Variants in LRRC37A2 observed in about 807,000 individuals in gnomAD.
LRRC37A2 encodes leucine-rich repeat-containing protein 37A2.
A neutral mutation model predicts 68.8 loss-of-function variants in LRRC37A2; 9 were observed. The ratio of observed to expected loss-of-function variants is 0.13; its 90% CI spans 0.08 to 0.23. The LOEUF (loss-of-function observed/expected upper bound fraction) is 0.23. Among genes scored for constraint, LRRC37A2 ranks in the 10% least tolerant of loss-of-function variants. The probability of loss-of-function intolerance (pLI) is 1.00; values close to 1 mark genes in which losing one functional copy is unlikely to be tolerated. For synonymous variants in LRRC37A2, 63 were observed against 367.6 expected, an observed-to-expected ratio of 0.17 and a Z score of 9.48; for missense variants, 168 against 950.4, an observed-to-expected ratio of 0.18 and a Z score of 10.82.
At chr17:46,931,797 CT>C in the LRRC37A2 span, 1 of 528,698 alleles carries the variant, frequency 1.9e-6, no homozygotes, top group Non-Finnish European at 3.4e-6. Context: ...TTCCTGTCCC[CT>C]GTTCTCTGTC....
chr17:46,879,101 T>C, the LRRC37A2 span, among the ~76,000 whole-genome samples: 1 of 152,214 alleles, frequency 6.6e-6, no homozygotes, highest in Non-Finnish European at 1.5e-5. Flanking sequence ...ATATAGTTTT[T>C]AGAGCAAAGG....
chr17:46,966,274 C>G, the LRRC37A2 span, among the ~76,000 whole-genome samples: 1 of 152,190 alleles, frequency 6.6e-6, no homozygotes, highest in Admixed American at 6.5e-5. Flanking sequence ...AATGTACTAG[C>G]TATGTACCTT....
the LRRC37A2 span, among the ~76,000 whole-genome samples, chr17:46,990,784 C>G: frequency 6.6e-6 from 1 of 152,094 alleles, no homozygotes; most frequent in African/African-American, 2.4e-5. Flanking sequence ...AATTCTCATG[C>G]CTCAGCCTCC....
chr17:46,737,813 G>A, the LRRC37A2 span, among the ~76,000 whole-genome samples: 1 of 151,944 alleles, frequency 6.6e-6, no homozygotes, highest in African/African-American at 2.4e-5. Flanking sequence ...TGAGTAAAAG[G>A]GAGATTTAGT....
the LRRC37A2 span, among the ~76,000 whole-genome samples, chr17:46,791,684 T>C: frequency 2.6e-5 from 4 of 152,246 alleles, no homozygotes; most frequent in African/African-American, 9.6e-5. Context: ...GCATTCTACT[T>C]ACATTCATCA....
the LRRC37A2 span, among the ~76,000 whole-genome samples, chr17:46,785,706 G>T: frequency 3.2e-4 from 48 of 152,332 alleles, no homozygotes; most frequent in African/African-American, 1.2e-3. Context: ...GGGCAGCCGT[G>T]GGGAGAAGGA....
At chr17:46,779,242 C>T in the LRRC37A2 span, among the ~76,000 whole-genome samples, 1 of 152,220 alleles carries the variant, frequency 6.6e-6, no homozygotes, top group Non-Finnish European at 1.5e-5. Flanking sequence ...GGAGCTTCCG[C>T]CTACACACAG....
At chr17:46,866,913 C>T in the LRRC37A2 span, among the ~76,000 whole-genome samples, 2 of 152,192 alleles carry the variant, frequency 1.3e-5, no homozygotes, top group Non-Finnish European at 2.9e-5. Flanking sequence ...AAAAGCTCTC[C>T]ACCAACCTGG....
chr17:46,902,291 T>C, the LRRC37A2 span, among the ~76,000 whole-genome samples: 5 of 152,278 alleles, frequency 3.3e-5, no homozygotes, highest in South Asian at 1.0e-3. Context: ...TCTTCAGCTG[T>C]AAATTGATTG....
chr17:46,811,725 C>T, the LRRC37A2 span, among the ~76,000 whole-genome samples: 2 of 152,126 alleles, frequency 1.3e-5, no homozygotes, highest in African/African-American at 4.8e-5. Flanking sequence ...GAGGCCGAGG[C>T]GGGTGGATTA....
chr17:46,887,037 G>A, the LRRC37A2 span, among the ~76,000 whole-genome samples: 1 of 152,046 alleles, frequency 6.6e-6, no homozygotes, highest in Non-Finnish European at 1.5e-5. Context: ...AGCTGGTCTC[G>A]AACTCCTGGG....
chr17:46,808,276 G>A, the LRRC37A2 span, among the ~76,000 whole-genome samples: 1 of 152,190 alleles, frequency 6.6e-6, no homozygotes, highest in African/African-American at 2.4e-5. Flanking sequence ...ACAGCCTGAT[G>A]GCTTGTGGAA....
the LRRC37A2 span, among the ~76,000 whole-genome samples, chr17:46,919,000 G>T: frequency 1.3e-5 from 2 of 152,002 alleles, no homozygotes; most frequent in Admixed American, 6.6e-5. Context: ...TTCCCTCCTT[G>T]TCATCCCACA....
chr17:46,742,756 G>A, the LRRC37A2 span, among the ~76,000 whole-genome samples: 45,671 of 152,070 alleles, frequency 0.3, 7,625 homozygotes, highest in East Asian at 0.6. Context: ...CTGCAAGGGC[G>A]CAGATGGATG....
At chr17:46,843,315 T>A in the LRRC37A2 span, among the ~76,000 whole-genome samples, 1 of 152,228 alleles carries the variant, frequency 6.6e-6, no homozygotes, top group African/African-American at 2.4e-5. Context: ...AAGGTATGCT[T>A]TGTAGGGTGA....
the LRRC37A2 span, among the ~76,000 whole-genome samples, chr17:47,001,894 G>A: frequency 2.6e-5 from 4 of 151,654 alleles, no homozygotes; most frequent in African/African-American, 7.3e-5. Flanking sequence ...GCTAATTTGT[G>A]TATTTTTAGT....
the LRRC37A2 span, among the ~76,000 whole-genome samples, chr17:46,907,684 A>C: frequency 2.8e-5 from 4 of 140,404 alleles, no homozygotes; most frequent in Non-Finnish European, 6.2e-5. Context: ...CAAAAAAAAA[A>C]AAAACAAAAA....
chr17:46,589,172 G>GT, the LRRC37A2 span, among the ~76,000 whole-genome samples: 2 of 91,838 alleles, frequency 2.2e-5, no homozygotes, highest in Non-Finnish European at 3.7e-5. Flanking sequence ...TCTAATATTT[G>GT]TTTTTGTAAG....
chr17:46,861,434 G>C, the LRRC37A2 span, among the ~76,000 whole-genome samples: 3 of 152,102 alleles, frequency 2.0e-5, no homozygotes, highest in Non-Finnish European at 4.4e-5. Flanking sequence ...TCTGTGCCCT[G>C]TCCCATTCAC....
Sources: gnomAD v4.1 joint callset for allele counts (sites outside exome capture counted in the v4.1 genomes callset) on GRCh38, gnomAD v4.1.1 for gene constraint, MANE v1.5 for transcripts, NCBI Gene and HGNC (gene_info 2026-07-23, HGNC 2026-07-21) for gene names.